Variants in SPPL3 observed in about 807,000 individuals in gnomAD.
SPPL3 encodes signal peptide peptidase like 3.
Under a neutral mutation model 42.4 loss-of-function variants are expected in SPPL3, and 5 were observed. The observed-to-expected ratio is 0.12, with a 90% CI of 0.06 to 0.25. The LOEUF (loss-of-function observed/expected upper bound fraction) is 0.25. Ranked by LOEUF, SPPL3 falls within the 10% of genes least tolerant of loss-of-function variation. The pLI is 1.00. For synonymous variants in SPPL3, 195 were observed against 181.8 expected (o/e 1.07, Z -0.58); for missense variants, 235 against 489.0 (o/e 0.48, Z 4.90).
chr12:120,786,405 AAAT>A (rs1869721827), intron 3 of SPPL3, among the ~76,000 whole-genome samples: 1 of 152,228 alleles, frequency 6.6e-6, no homozygotes, highest in African/African-American at 2.4e-5. Context: ...TCACTACAGA[AAAT>A]AATGTTTCTC....
At chr12:120,858,622 TA>T (rs1326598881) in intron 1 of SPPL3, among the ~76,000 whole-genome samples, 1 of 151,986 alleles carries the variant, frequency 6.6e-6, no homozygotes, top group Non-Finnish European at 1.5e-5. Flanking sequence ...GATAATGCCT[TA>T]AAGAAACTAG....
At position 120,782,691 on chromosome 12, in the gene SPPL3, T is replaced by A. The variant is rs1306236678; in HGVS notation, c.466A>T (p.Ile156Phe). The change falls in exon 6 of 11, where the codon ATC (isoleucine) becomes TTC (phenylalanine). Residue 156 changes from isoleucine (I) to phenylalanine (F), a missense_variant. Physicochemically the swap from Ile to Phe is conservative, Grantham distance 21 (BLOSUM62 0). This residue lies in a region of SPPL3 where 110 missense variants were observed against 186.2 expected (regional missense o/e 0.59). Transcript: ENST00000353487. ...SFSLSVMLVL[I>F]WVLTGHWLLM... is the part of the protein sequence containing the mutation. ...AGCCAATGGCCAGTGAGAACCCAGATGAGGACGAGCATGACAGACAGAGAG... is the reference window on the plus strand; with the variant it reads ...AGCCAATGGCCAGTGAGAACCCAGAAGAGGACGAGCATGACAGACAGAGAG... The A allele has an allele frequency of 6.2e-7, 1 of 1,611,870 alleles. No individual in the cohort carries two copies. Among genetic ancestry groups the A allele is most frequent in the Admixed American group, 1.7e-5 (1 of 59,738 alleles).
At chr12:120,845,272 T>C in intron 1 of SPPL3, 1 of 372,192 alleles carries the variant, frequency 2.7e-6, no homozygotes, top group Non-Finnish European at 5.4e-6. Flanking sequence ...GGAGAGGTCC[T>C]GCTTGTTGGC....
chr12:120,882,468 T>C (rs531632668), intron 1 of SPPL3, among the ~76,000 whole-genome samples: 1 of 152,232 alleles, frequency 6.6e-6, no homozygotes, highest in Admixed American at 6.5e-5. Flanking sequence ...GGACTTTGTA[T>C]ACACATGTGT....
intron 1 of SPPL3, among the ~76,000 whole-genome samples, chr12:120,865,520 G>A (rs1300870506): frequency 6.6e-6 from 1 of 152,182 alleles, no homozygotes; most frequent in East Asian, 1.9e-4. Flanking sequence ...AACCTATTCA[G>A]TGTTTGGCAT....
intron 1 of SPPL3, among the ~76,000 whole-genome samples, chr12:120,896,028 T>C (rs1379210226): frequency 6.6e-6 from 1 of 152,186 alleles, no homozygotes; most frequent in African/African-American, 2.4e-5. Flanking sequence ...ACATCTCCAC[T>C]TCAGAGCACT....
intron 1 of SPPL3, among the ~76,000 whole-genome samples, chr12:120,895,427 C>CA (rs11445980): frequency 0.32 from 43,644 of 135,348 alleles, 7,909 homozygotes; most frequent in Non-Finnish European, 0.44. Context: ...AACTCCATCT[C>CA]AAAAAAAAAA....
chr12:120,899,585 T>G (rs1183660850), intron 1 of SPPL3, among the ~76,000 whole-genome samples: 1 of 152,038 alleles, frequency 6.6e-6, no homozygotes, highest in Admixed American at 6.6e-5. Flanking sequence ...CAGACAGAAC[T>G]GTAAGTATTA....
chr12:120,850,651 T>C (rs146495289), intron 1 of SPPL3, among the ~76,000 whole-genome samples: 45 of 152,370 alleles, frequency 3.0e-4, no homozygotes, highest in Admixed American at 9.1e-4. Flanking sequence ...ATTAGTTTCC[T>C]ACTGCTGCTG....
In SPPL3 at chr12:120,798,589, C is replaced by T. The variant is rs556570715; in HGVS notation, c.102-7032G>A. Among the ~76,000 whole-genome samples the T allele has an allele frequency of 2.6e-4, 39 of 152,286 alleles. No individual in the cohort carries two copies. The South Asian group carries it at 5.8e-3, about 23-fold the overall frequency. On this transcript the variant is annotated intron_variant, in intron 2 of 10. Coordinates refer to ENST00000353487, the MANE Select transcript of SPPL3 (RefSeq NM_139015.5). ...GGGTTGGTGATGCATTTAATGGGAA[C>T]GTCTCTGGAGTCAATGGAACATGAA...
At position 120,827,349 on chromosome 12, in the gene SPPL3, TA is replaced by T. The variant is rs1265117009; in HGVS notation, c.24-16464del. Among the ~76,000 whole-genome samples, 12 of 135,318 alleles carry T rather than the reference TA, an allele frequency of 8.9e-5. No homozygotes were observed. In the South Asian group the frequency reaches 1.9e-3, roughly 21 times the overall value. The allele number at this position is 135,318 out of a possible 152,430, so 88.8% of individuals were successfully genotyped here. A position where few individuals can be genotyped will look rare whatever the true frequency, so the allele number is the denominator to read the frequency against. On this transcript the variant is annotated intron_variant, in intron 1 of 10. Transcript: ENST00000353487. Reference sequence around the variant, plus strand: ...GGAACAATAATAATAATAATAATAATAATAATATAATAATATAATAATAATA... The same window carrying T: ...GGAACAATAATAATAATAATAATAATATAATATAATAATATAATAATAATA...
At chr12:120,853,983 T>TACACACACACACACACACACACACAC (rs58246859) in intron 1 of SPPL3, among the ~76,000 whole-genome samples, 5 of 130,302 alleles carry the variant, frequency 3.8e-5, no homozygotes, top group Admixed American at 7.9e-5. Flanking sequence ...CACGCACACA[T>TACACACACACACACACACACACACAC]ACACACACAC....
intron 7 of SPPL3, 98 bp from the exon 8 acceptor site, chr12:120,768,586 T>G: frequency 7.5e-7 from 1 of 1,332,538 alleles, no homozygotes; most frequent in Non-Finnish European, 1.0e-6. Context: ...CTCAGAATGC[T>G]GTGACTGCAA....
At chr12:120,796,357 C>A (rs193108075) in intron 2 of SPPL3, among the ~76,000 whole-genome samples, 1 of 152,244 alleles carries the variant, frequency 6.6e-6, no homozygotes, top group East Asian at 1.9e-4. Flanking sequence ...GCCTGGACGA[C>A]AGAGCAACTC....
chr12:120,860,266 A>G (rs1872586051), intron 1 of SPPL3, among the ~76,000 whole-genome samples: 3 of 152,146 alleles, frequency 2.0e-5, no homozygotes, highest in Admixed American at 2.0e-4. Context: ...ATATCACATT[A>G]TCCAGAAAGG....
chr12:120,873,706 T>C (rs2137051374), intron 1 of SPPL3, among the ~76,000 whole-genome samples: 1 of 152,136 alleles, frequency 6.6e-6, no homozygotes, highest in East Asian at 1.9e-4. Flanking sequence ...ACCCCGTCTC[T>C]AATAAAAATA....
chr12:120,845,264 A>G (rs532200896), intron 1 of SPPL3: 38 of 386,632 alleles, frequency 9.8e-5, no homozygotes, highest in Non-Finnish European at 1.7e-4. Context: ...ACGGCATTGG[A>G]GAGGTCCTGC....
chr12:120,764,677 T>TAAAC lies in SPPL3; in HGVS notation c.*318_*321dup. 2.5e-6 allele frequency: 1 copy of TAAAC among 397,434 alleles called. No individual in the cohort carries two copies. The highest frequency in any genetic ancestry group is 3.6e-5 in the East Asian group (1 of 28,010). The allele number at this position is 397,434 out of a possible 1,614,324, so 24.6% of individuals were successfully genotyped here. On this transcript the variant is annotated 3_prime_UTR_variant, in exon 11 of 11. Transcript: ENST00000353487. ...AAGACTCCTCGCTGTTTTCAGTTTT[T>TAAAC]AAACAGTCAAATCTCCATCTCCCCC...
At chr12:120,864,846 G>C (rs1872713440) in intron 1 of SPPL3, among the ~76,000 whole-genome samples, 3 of 152,016 alleles carry the variant, frequency 2.0e-5, no homozygotes. Flanking sequence ...CTAGTGTCAA[G>C]AGTTAACCAA....
Sources: gnomAD v4.1 joint callset for allele counts (sites outside exome capture counted in the v4.1 genomes callset) on GRCh38, gnomAD v4.1.1 for gene constraint, gnomAD v4.1.1 regional missense constraint, MANE v1.5 for transcripts, NCBI Gene and HGNC (gene_info 2026-07-23, HGNC 2026-07-21) for gene names.